CCDC169: variants seen among roughly 807,000 people sequenced by gnomAD.
CCDC169 encodes the protein coiled-coil domain containing 169, also known as coiled-coil domain-containing protein 169.
CCDC169 carries 30 observed loss-of-function variants against 36.0 expected under a neutral mutation model. The observed-to-expected ratio is 0.83, with a 90% confidence interval of 0.62 to 1.13. CCDC169 has a LOEUF of 1.13. CCDC169 is among the 50% of genes most tolerant of loss of function. The probability of loss-of-function intolerance (pLI) is 0.00; values close to 1 mark genes in which losing one functional copy is unlikely to be tolerated. For synonymous variants in CCDC169, 85 were observed against 81.5 expected (o/e 1.04, Z -0.23); for missense variants, 245 against 245.9 (o/e 1.00, Z 0.03).
At chr13:36,231,411 C>G (rs764975511) in intron 7 of CCDC169, 119 bp from the exon 8 acceptor site, 2 of 943,696 alleles carry the variant, frequency 2.1e-6, no homozygotes, top group Non-Finnish European at 1.6e-6. Flanking sequence ...GACCTTCACA[C>G]GGAAACCTTC....
chr13:36,227,625 T>G (rs1398630900), downstream of CCDC169, among the ~76,000 whole-genome samples: 1 of 152,234 alleles, frequency 6.6e-6, no homozygotes, highest in Non-Finnish European at 1.5e-5. Context: ...TCTACTAATA[T>G]TAAAATGTTA....
intron 4 of CCDC169, among the ~76,000 whole-genome samples, chr13:36,281,448 CA>C (rs1877526164): frequency 6.6e-6 from 1 of 151,180 alleles, no homozygotes; most frequent in African/African-American, 2.4e-5. Flanking sequence ...AAGTGAACCT[CA>C]AGAAAAAAAA....
chr13:36,293,795 A>G (rs1879178350), intron 2 of CCDC169, among the ~76,000 whole-genome samples: 1 of 152,140 alleles, frequency 6.6e-6, no homozygotes, highest in Non-Finnish European at 1.5e-5. Context: ...AGAGACCCCA[A>G]TCAAGAACCA....
At chr13:36,273,088 G>C (rs940434505) in intron 4 of CCDC169, among the ~76,000 whole-genome samples, 6 of 152,122 alleles carry the variant, frequency 3.9e-5, no homozygotes, top group African/African-American at 1.2e-4. Context: ...TATTCTTCCA[G>C]CTATGAGCCT....
rs138882023 is a variant in CCDC169, at chr13:36,292,814, A to C, written c.163+2964T>G. ...TGGGAATGATCCAGTAGAGCAGGGA[A>C]AACAGACAGTGTAGGGAAGAGAGGG... On this transcript the variant is annotated intron_variant, in intron 2 of 7. Coordinates refer to ENST00000239859, the MANE Select transcript of CCDC169 (RefSeq NM_001144981.3). Among the ~76,000 whole-genome samples the C allele has an allele frequency of 2.0e-4, 31 of 152,338 alleles. No homozygotes were observed. In the East Asian group the frequency reaches 5.6e-3, roughly 27 times the overall value.
At chr13:36,269,669 A>G (rs2067114535) in intron 4 of CCDC169, among the ~76,000 whole-genome samples, 1 of 152,258 alleles carries the variant, frequency 6.6e-6, no homozygotes, top group African/African-American at 2.4e-5. Flanking sequence ...ATTAAAAACA[A>G]AAACCACATG....
intron 7 of CCDC169, among the ~76,000 whole-genome samples, chr13:36,248,204 TAAGAAACCCCA>T (rs1283407980): frequency 1.3e-5 from 2 of 152,166 alleles, no homozygotes; most frequent in East Asian, 3.9e-4. Flanking sequence ...TTATATATAC[TAAGAAACCCCA>T]AAATTTGTGT....
chr13:36,238,171 T>C (rs747986580), intron 7 of CCDC169, among the ~76,000 whole-genome samples: 2 of 152,300 alleles, frequency 1.3e-5, no homozygotes, highest in Middle Eastern at 3.4e-3. Context: ...GGCTTTCTTT[T>C]TGGGGTGATG....
intron 4 of CCDC169, among the ~76,000 whole-genome samples, chr13:36,279,670 G>T (rs913674681): frequency 6.6e-6 from 1 of 152,120 alleles, no homozygotes; most frequent in Admixed American, 6.5e-5. Context: ...TAAAGCAGAG[G>T]CTGGCAAACT....
chr13:36,255,348 A>G (rs1385793275), intron 4 of CCDC169, among the ~76,000 whole-genome samples: 1 of 152,166 alleles, frequency 6.6e-6, no homozygotes, highest in Admixed American at 6.5e-5. Context: ...ACTCTCCCAC[A>G]GGCTGTGCCC....
rs189496288 is a variant in CCDC169, at chr13:36,233,286, C to T, written c.546-1994G>A. Among the ~76,000 whole-genome samples the T allele has an allele frequency of 1.5e-4, 23 of 152,200 alleles. No homozygotes were observed. The East Asian group carries it at 4.1e-3, about 27-fold the overall frequency. ...TTACATAATTATTTTAGAAAAGTCA[C>T]TAAACAAGCAGCAGCAAAAACAGTG... On this transcript the variant is annotated intron_variant, in intron 7 of 7. Transcript: ENST00000239859.
chr13:36,250,909 C>G (rs1317745204), intron 6 of CCDC169, among the ~76,000 whole-genome samples: 1 of 152,174 alleles, frequency 6.6e-6, no homozygotes, highest in Non-Finnish European at 1.5e-5. Flanking sequence ...CCTCAGATTC[C>G]TTATCTGTGA....
At chr13:36,222,368 G>A (rs1869658783), downstream of CCDC169, 1 of 152,234 alleles carries the variant, frequency 6.6e-6, no homozygotes, top group Non-Finnish European at 1.5e-5. Flanking sequence ...AGAGCTAACA[G>A]ATATGTAAAA....
chr13:36,257,627 C>T (rs963525126), intron 4 of CCDC169, among the ~76,000 whole-genome samples: 5 of 151,822 alleles, frequency 3.3e-5, no homozygotes, highest in East Asian at 1.9e-4. Flanking sequence ...CGCTTGAACG[C>T]GGGAGGCGGG....
chr13:36,285,908 C>T (rs898298663), intron 2 of CCDC169, among the ~76,000 whole-genome samples: 21 of 152,202 alleles, frequency 1.4e-4, no homozygotes, highest in Non-Finnish European at 2.9e-5. Context: ...AGAAATTGGA[C>T]ATGGTTATTT....
chr13:36,289,346 T>C (rs569563231), intron 2 of CCDC169, among the ~76,000 whole-genome samples: 6 of 152,320 alleles, frequency 3.9e-5, no homozygotes, highest in East Asian at 1.9e-4. Flanking sequence ...GATGCTAAAA[T>C]GTTTTATCTT....
At chr13:36,281,234 ACCC>A in intron 4 of CCDC169, 1 of 445,718 alleles carries the variant, frequency 2.2e-6, no homozygotes, top group Non-Finnish European at 4.5e-6. Context: ...CCACTGCACC[ACCC>A]CTGGACTGCA....
At chr13:36,262,582 A>G (rs1331134822) in intron 4 of CCDC169, among the ~76,000 whole-genome samples, 3 of 152,236 alleles carry the variant, frequency 2.0e-5, no homozygotes, top group Non-Finnish European at 4.4e-5. Flanking sequence ...GCCTTCAATC[A>G]TGAAAACCTG....
intron 4 of CCDC169, chr13:36,281,216 T>C: frequency 2.3e-6 from 1 of 441,240 alleles, no homozygotes; most frequent in Non-Finnish European, 4.5e-6. Flanking sequence ...CCTGAAGGCA[T>C]TATACAGCCA....
Sources: gnomAD v4.1 joint callset for allele counts (sites outside exome capture counted in the v4.1 genomes callset) on GRCh38, gnomAD v4.1.1 for gene constraint, MANE v1.5 for transcripts, NCBI Gene and HGNC (gene_info 2026-07-23, HGNC 2026-07-21) for gene names.